Variants in STPG2 observed in about 807,000 individuals in gnomAD.
STPG2 encodes the protein sperm-tail PG-rich repeat-containing protein 2.
STPG2 carries 56 observed loss-of-function variants against 54.2 expected under a neutral mutation model. The ratio of observed to expected loss-of-function variants is 1.03; its 90% CI spans 0.83 to 1.29. The LOEUF is 1.29. Ranked by LOEUF, STPG2 falls within the 50% of genes most tolerant of loss-of-function variation. STPG2 has a pLI of 0.00. For missense variants in STPG2, 596 were observed against 544.9 expected (o/e 1.09, Z -0.93); for synonymous variants, 200 against 181.8 (o/e 1.10, Z -0.81).
At chr4:97,829,709 C>T (rs531486170) in intron 9 of STPG2, among the ~76,000 whole-genome samples, 1 of 151,996 alleles carries the variant, frequency 6.6e-6, no homozygotes, top group Non-Finnish European at 1.5e-5. Flanking sequence ...AAACACAGCA[C>T]AAGAATTTCA....
At chr4:97,712,406 C>T (rs960707803) in intron 10 of STPG2, among the ~76,000 whole-genome samples, 10 of 151,964 alleles carry the variant, frequency 6.6e-5, no homozygotes, top group African/African-American at 2.4e-4. Context: ...TGAATACAAA[C>T]AAGTATGTAA....
intron 9 of STPG2, among the ~76,000 whole-genome samples, chr4:97,760,083 G>A (rs562381142): frequency 6.6e-5 from 10 of 152,162 alleles, no homozygotes; most frequent in African/African-American, 1.7e-4. Context: ...ATGGGCTATC[G>A]CTCAAACAGG....
intron 9 of STPG2, among the ~76,000 whole-genome samples, chr4:97,823,062 T>A (rs544453906): frequency 6.6e-6 from 1 of 152,182 alleles, no homozygotes; most frequent in Non-Finnish European, 1.5e-5. Flanking sequence ...GCTGTCTTCA[T>A]AACATAAAAT....
intron 7 of STPG2, among the ~76,000 whole-genome samples, chr4:97,948,994 T>A (rs1733358384): frequency 6.6e-6 from 1 of 152,134 alleles, no homozygotes; most frequent in Non-Finnish European, 1.5e-5. Context: ...ATCTGTATAC[T>A]GCTGTCAATG....
chr4:97,933,086 T>C (rs886072973), intron 8 of STPG2, among the ~76,000 whole-genome samples: 1 of 152,234 alleles, frequency 6.6e-6, no homozygotes, highest in Non-Finnish European at 1.5e-5. Context: ...GGTATCTTAT[T>C]GTGGTTTTGA....
rs183419283 is a variant in STPG2 at position 97,562,345 on chromosome 4, A to G, written c.1321-3228T>C. ...ATCAGCTCAAGGAGATTTTGGGCTGAGAAAATGGGGTTTTCTAGATATACA... is the reference window on the plus strand; with the variant it reads ...ATCAGCTCAAGGAGATTTTGGGCTGGGAAAATGGGGTTTTCTAGATATACA... On this transcript the variant is annotated intron_variant, in intron 10 of 10. Coordinates refer to ENST00000295268, the MANE Select transcript of STPG2 (RefSeq NM_174952.3). Among the ~76,000 whole-genome samples the G allele has an allele frequency of 3.3e-3, 507 of 152,296 alleles. 2 individuals are homozygous for G. Among genetic ancestry groups the G allele is most frequent in the Non-Finnish European group, 5.5e-3 (372 of 68,018 alleles).
chr4:97,914,466 T>A (rs1731800618), intron 8 of STPG2, among the ~76,000 whole-genome samples: 1 of 152,188 alleles, frequency 6.6e-6, no homozygotes, highest in South Asian at 2.1e-4. Context: ...TTTTTATAAT[T>A]TTTAAGTGTA....
intron 9 of STPG2, among the ~76,000 whole-genome samples, chr4:97,720,046 T>G (rs1193561839): frequency 6.6e-6 from 1 of 152,004 alleles, no homozygotes; most frequent in Non-Finnish European, 1.5e-5. Context: ...GATGTCATAC[T>G]ATTTTAATCT....
chr4:97,782,191 T>A (rs1409227760), intron 9 of STPG2, among the ~76,000 whole-genome samples: 1 of 152,188 alleles, frequency 6.6e-6, no homozygotes, highest in Non-Finnish European at 1.5e-5. Context: ...GCCCATCATC[T>A]CAGCCCAAAA....
At chr4:97,993,994 C>T (rs1004757887) in intron 5 of STPG2, among the ~76,000 whole-genome samples, 5 of 152,188 alleles carry the variant, frequency 3.3e-5, no homozygotes, top group Admixed American at 3.3e-4. Context: ...TCATTAATCT[C>T]ACTAATGATC....
intron 10 of STPG2, among the ~76,000 whole-genome samples, chr4:97,630,531 G>T (rs1294689497): frequency 6.6e-6 from 1 of 151,658 alleles, no homozygotes; most frequent in African/African-American, 2.4e-5. Flanking sequence ...AATAATTTTA[G>T]CATCTGTTAT....
chr4:97,805,835 A>G (rs1727542838), intron 9 of STPG2, among the ~76,000 whole-genome samples: 2 of 151,336 alleles, frequency 1.3e-5, no homozygotes. Context: ...ATTATTAAAA[A>G]GTAAAAAAAA....
chr4:97,841,410 A>G (rs1728798657), intron 8 of STPG2, among the ~76,000 whole-genome samples: 1 of 151,718 alleles, frequency 6.6e-6, no homozygotes, highest in Admixed American at 6.6e-5. Flanking sequence ...ATGGTTCTTT[A>G]TATGAACTGC....
At chr4:97,919,509 T>C (rs181889670) in intron 8 of STPG2, among the ~76,000 whole-genome samples, 1 of 151,822 alleles carries the variant, frequency 6.6e-6, no homozygotes, top group African/African-American at 2.4e-5. Flanking sequence ...AACTATAGTT[T>C]TCATAAACAC....
At chr4:97,846,623 C>CAA (rs540016952) in intron 8 of STPG2, among the ~76,000 whole-genome samples, 676 of 66,162 alleles carry the variant, frequency 0.01, no homozygotes, top group Non-Finnish European at 0.014. Context: ...GACTCCACCT[C>CAA]AAAAAAAAAA....
intron 9 of STPG2, among the ~76,000 whole-genome samples, chr4:97,819,470 G>T (rs1417063019): frequency 6.6e-6 from 1 of 151,976 alleles, no homozygotes; most frequent in Non-Finnish European, 1.5e-5. Context: ...TTTCCTGTGG[G>T]AATGTGATAC....
At chr4:97,971,910 G>GGTTT (rs768493229) in intron 7 of STPG2, among the ~76,000 whole-genome samples, 3 of 152,050 alleles carry the variant, frequency 2.0e-5, no homozygotes, top group Non-Finnish European at 2.9e-5. Flanking sequence ...CCAATTGTCT[G>GGTTT]GTTTATTCTC....
chr4:97,747,693 G>T (rs1435865788), intron 9 of STPG2, among the ~76,000 whole-genome samples: 1 of 151,154 alleles, frequency 6.6e-6, no homozygotes, highest in South Asian at 2.1e-4. Context: ...TTATTAATGT[G>T]CATGATTTCT....
chr4:97,501,937 G>A (rs955447231), intron 4 of STPG2, among the ~76,000 whole-genome samples: 2 of 151,774 alleles, frequency 1.3e-5, no homozygotes, highest in African/African-American at 4.8e-5. Flanking sequence ...GACCAAAATA[G>A]TCAAATTGAT....
Sources: gnomAD v4.1 joint callset for allele counts (sites outside exome capture counted in the v4.1 genomes callset) on GRCh38, gnomAD v4.1.1 for gene constraint, MANE v1.5 for transcripts, NCBI Gene and HGNC (gene_info 2026-07-23, HGNC 2026-07-21) for gene names.